Variants in MAST2 observed in about 807,000 individuals in gnomAD.
MAST2 encodes the protein microtubule associated serine/threonine kinase 2, also known as microtubule-associated serine/threonine-protein kinase 2.
In MAST2, 70 loss-of-function variants were observed where a neutral mutation model predicts 147.4. The observed-to-expected ratio is 0.47, with a 90% CI of 0.39 to 0.58. The LOEUF is 0.58. Among genes scored for constraint, MAST2 ranks in the 20% least tolerant of loss-of-function variants. The probability of loss-of-function intolerance (pLI) is 0.00; values close to 1 mark genes in which losing one functional copy is unlikely to be tolerated. For missense variants in MAST2, 2,080 were observed against 2,302.3 expected (o/e 0.90, Z 1.98); for synonymous variants, 869 against 896.8 (o/e 0.97, Z 0.55).
intron 5 of MAST2, among the ~76,000 whole-genome samples, chr1:45,992,433 G>C (rs902733330): frequency 6.6e-6 from 1 of 152,040 alleles, no homozygotes; most frequent in Non-Finnish European, 1.5e-5. Flanking sequence ...TGTTGGATTT[G>C]ATATTTCTAA....
At chr1:45,926,651 G>C (rs1022845623) in intron 4 of MAST2, among the ~76,000 whole-genome samples, 1 of 152,136 alleles carries the variant, frequency 6.6e-6, no homozygotes, top group African/African-American at 2.4e-5. Flanking sequence ...ACGGTTTCAA[G>C]GTATTTCATT....
intron 4 of MAST2, among the ~76,000 whole-genome samples, chr1:45,934,073 C>T (rs561342131): frequency 1.4e-4 from 22 of 152,150 alleles, no homozygotes; most frequent in Non-Finnish European, 2.8e-4. Flanking sequence ...CTCCTCCCAC[C>T]CTCCACCCTG....
At chr1:45,856,668 T>C (rs1049933729) in intron 3 of MAST2, among the ~76,000 whole-genome samples, 7 of 152,136 alleles carry the variant, frequency 4.6e-5, no homozygotes, top group African/African-American at 1.7e-4. Context: ...AGGAGAATTC[T>C]AAATTACAGG....
At chr1:45,871,341 C>T (rs974085151) in intron 3 of MAST2, among the ~76,000 whole-genome samples, 8 of 151,926 alleles carry the variant, frequency 5.3e-5, no homozygotes, top group African/African-American at 1.9e-4. Context: ...ACAAGCACTC[C>T]ATGTCTCTTA....
intron 4 of MAST2, among the ~76,000 whole-genome samples, chr1:45,894,307 C>T (rs142240927): frequency 2.0e-3 from 305 of 152,034 alleles, no homozygotes; most frequent in African/African-American, 7.0e-3. Flanking sequence ...TTCAAATAAT[C>T]GTTAGTGGAA....
chr1:45,926,422 T>C (rs981179793), intron 4 of MAST2, among the ~76,000 whole-genome samples: 2 of 130,942 alleles, frequency 1.5e-5, no homozygotes, highest in African/African-American at 5.6e-5. Context: ...CCCTTGGATA[T>C]ATTGCCTACC....
At chr1:45,847,730 T>G (rs543386631) in intron 3 of MAST2, 108 of 245,072 alleles carry the variant, frequency 4.4e-4, no homozygotes, top group South Asian at 8.6e-4. Flanking sequence ...CCCTTTTTCT[T>G]TTTTTTTAAG....
At chr1:45,927,454 T>A (rs1028782718) in intron 4 of MAST2, among the ~76,000 whole-genome samples, 2 of 152,158 alleles carry the variant, frequency 1.3e-5, no homozygotes, top group African/African-American at 4.8e-5. Flanking sequence ...TATAAGCCAA[T>A]ACCTCCAGGC....
chr1:45,807,622 A>G (rs1431085170), intron 1 of MAST2, among the ~76,000 whole-genome samples: 4 of 151,698 alleles, frequency 2.6e-5, no homozygotes, highest in African/African-American at 4.8e-5. Context: ...GCTCACTGCA[A>G]CCTTCGCCTC....
intron 5 of MAST2, among the ~76,000 whole-genome samples, chr1:45,992,622 A>G (rs901070255): frequency 2.6e-5 from 4 of 152,140 alleles, no homozygotes; most frequent in Non-Finnish European, 4.4e-5. Flanking sequence ...CATTTCTTCT[A>G]TAAATGTTTG....
At chr1:45,994,448 G>C (rs185937605) in intron 5 of MAST2, among the ~76,000 whole-genome samples, 1 of 151,802 alleles carries the variant, frequency 6.6e-6, no homozygotes, top group Non-Finnish European at 1.5e-5. Context: ...CAGCACAGCC[G>C]GTTAATTTTT....
At chr1:46,000,630 TCCTCTTATA>T (rs1645236669) in intron 6 of MAST2, among the ~76,000 whole-genome samples, 1 of 152,148 alleles carries the variant, frequency 6.6e-6, no homozygotes, top group African/African-American at 2.4e-5. Flanking sequence ...CTCTGGGCTG[TCCTCTTATA>T]CAACATAGTA....
rs79749798 is a variant in MAST2 at position 45,975,806 on chromosome 1, G to T, written c.592+16329G>T. On this transcript the variant is annotated intron_variant, in intron 5 of 28. Coordinates refer to ENST00000361297, the MANE Select transcript of MAST2 (RefSeq NM_015112.3). ...CTATATGCAGTGCTAAAGGGATGAG[G>T]TATGAGGAGTCCATGGCATGGACTC... is the stretch of plus-strand genomic sequence containing the variant. Among the ~76,000 whole-genome samples, 565 of 152,076 alleles carry T rather than the reference G, an allele frequency of 3.7e-3. 6 individuals are homozygous for T. Among genetic ancestry groups the T allele is most frequent in the East Asian group, 0.027 (141 of 5,172 alleles).
chr1:45,897,128 T>G (rs886928344), intron 4 of MAST2, among the ~76,000 whole-genome samples: 1 of 152,322 alleles, frequency 6.6e-6, no homozygotes, highest in South Asian at 2.1e-4. Flanking sequence ...ATACCCAAAT[T>G]TTTTCACCTC....
chr1:45,819,371 G>C (rs1441140417), intron 1 of MAST2, among the ~76,000 whole-genome samples: 1 of 151,872 alleles, frequency 6.6e-6, no homozygotes, highest in Non-Finnish European at 1.5e-5. Flanking sequence ...ATGGTAATTA[G>C]ACAAGAAAAA....
intron 4 of MAST2, among the ~76,000 whole-genome samples, chr1:45,936,052 T>C (rs765325938): frequency 2.6e-5 from 4 of 152,248 alleles, no homozygotes; most frequent in Non-Finnish European, 5.9e-5. Flanking sequence ...CATTTGTTTG[T>C]GTCATTTCTG....
intron 3 of MAST2, among the ~76,000 whole-genome samples, chr1:45,837,373 A>G (rs1031342276): frequency 4.6e-5 from 7 of 152,166 alleles, no homozygotes; most frequent in Admixed American, 1.3e-4. Flanking sequence ...ATCATACAGT[A>G]TATAGTCTTT....
chr1:45,909,732 G>A (rs1244459705), intron 4 of MAST2, among the ~76,000 whole-genome samples: 2 of 152,142 alleles, frequency 1.3e-5, no homozygotes, highest in Admixed American at 1.3e-4. Flanking sequence ...TGACCAGGAT[G>A]GTCTTGATCT....
intron 3 of MAST2, among the ~76,000 whole-genome samples, chr1:45,834,817 T>G (rs763798480): frequency 1.3e-5 from 2 of 152,150 alleles, no homozygotes; most frequent in Non-Finnish European, 2.9e-5. Flanking sequence ...TATCTGCAGT[T>G]TTGATCTTTG....
Sources: gnomAD v4.1 joint callset for allele counts (sites outside exome capture counted in the v4.1 genomes callset) on GRCh38, gnomAD v4.1.1 for gene constraint, MANE v1.5 for transcripts, NCBI Gene and HGNC (gene_info 2026-07-23, HGNC 2026-07-21) for gene names.